RNF6: variants seen among roughly 807,000 people sequenced by gnomAD.
The protein encoded by RNF6 is E3 ubiquitin-protein ligase RNF6.
In RNF6, 21 loss-of-function variants were observed where a neutral mutation model predicts 50.1. The observed-to-expected ratio is 0.42, with a 90% CI of 0.30 to 0.60. The LOEUF (loss-of-function observed/expected upper bound fraction) is 0.60, where lower values mean the gene tolerates loss of function less well. Among genes scored for constraint, RNF6 ranks in the 20% least tolerant of loss-of-function variants. The pLI is 0.20. For synonymous variants in RNF6, 255 were observed against 291.8 expected (o/e 0.87, Z 1.29); for missense variants, 698 against 838.2 (o/e 0.83, Z 2.07).
chr13:26,168,888 A>G (rs899180645), intron 5 of RNF6, among the ~76,000 whole-genome samples: 1 of 152,184 alleles, frequency 6.6e-6, no homozygotes, highest in Non-Finnish European at 1.5e-5. Flanking sequence ...CTGTAGTCCC[A>G]GCTACTTGGA....
At chr13:26,169,451 C>T (rs1473543513) in intron 5 of RNF6, among the ~76,000 whole-genome samples, 1 of 152,212 alleles carries the variant, frequency 6.6e-6, no homozygotes, top group Non-Finnish European at 1.5e-5. Flanking sequence ...AAGGTCCCCT[C>T]AGCTTGGCTT....
intron 5 of RNF6, among the ~76,000 whole-genome samples, chr13:26,183,808 T>C (rs1873352478): frequency 6.6e-6 from 1 of 150,810 alleles, no homozygotes; most frequent in South Asian, 2.1e-4. Flanking sequence ...TATAGATTAC[T>C]TTGCTTGAAA....
chr13:26,222,812 G>C (rs1190790270), upstream of RNF6, among the ~76,000 whole-genome samples: 1 of 152,078 alleles, frequency 6.6e-6, no homozygotes, highest in Non-Finnish European at 1.5e-5. Context: ...TGTAGAGACG[G>C]GGGTCTCGCT....
rs925074577 is a variant in RNF6 at position 26,218,168 on chromosome 13, C to T, written c.289+343G>A. On this transcript the variant is annotated intron_variant, in intron 4 of 4. Transcript: ENST00000381588. ...GGTTTCCTAACTCAGTCTTTCTACA[C>T]GGTTCTGTATATAAATTTTTAGAAG... 4.6e-5 allele frequency among the ~76,000 whole-genome samples: 7 copies of T among 152,124 alleles called. No homozygotes were observed. In the South Asian group the frequency reaches 6.2e-4, roughly 13 times the overall value.
chr13:26,159,717 A>G (rs911436493), intron 5 of RNF6, among the ~76,000 whole-genome samples: 2 of 152,200 alleles, frequency 1.3e-5, no homozygotes, highest in Non-Finnish European at 2.9e-5. Flanking sequence ...CTGCCTAGGG[A>G]ATTCCTCAAA....
intron 5 of RNF6, among the ~76,000 whole-genome samples, chr13:26,184,019 T>TATATATATATATATATATA (rs1491321211): frequency 4.9e-5 from 1 of 20,338 alleles, no homozygotes; most frequent in African/African-American, 1.7e-4. Flanking sequence ...TATATATATA[T>TATATATATATATATATATA]TTTTTTTTTT....
At chr13:26,193,384 G>A (rs1868533529) in intron 5 of RNF6, among the ~76,000 whole-genome samples, 1 of 152,216 alleles carries the variant, frequency 6.6e-6, no homozygotes, top group South Asian at 2.1e-4. Context: ...TATCTTGGAA[G>A]CTATGGAAAG....
rs180817551 is a variant in RNF6, at chr13:26,219,451, T to G, written c.193+6A>C. On this transcript the variant is annotated splice_donor_region_variant and intron_variant, in intron 3 of 4. Transcript: ENST00000381588. ...AAGGGTGTTTCCTCTTTTACCCATCTCTTACCAGGGGTGCCTAAAAGATTA... is the reference window on the plus strand; with the variant it reads ...AAGGGTGTTTCCTCTTTTACCCATCGCTTACCAGGGGTGCCTAAAAGATTA... 352 of 1,589,860 alleles carry G rather than the reference T, an allele frequency of 2.2e-4. No homozygotes were observed. In the African/African-American group the frequency reaches 4.1e-3, roughly 19 times the overall value.
chr13:26,188,672 G>T (rs1873673016), intron 5 of RNF6, among the ~76,000 whole-genome samples: 1 of 108,092 alleles, frequency 9.3e-6, no homozygotes, highest in African/African-American at 3.7e-5. Context: ...GTCTCACTCT[G>T]TTGCCAGGCT....
chr13:26,155,872 G>A (rs1047453182), intron 5 of RNF6, among the ~76,000 whole-genome samples: 5 of 152,198 alleles, frequency 3.3e-5, no homozygotes, highest in African/African-American at 1.2e-4. Context: ...GGCGGACAGG[G>A]CAGAAGGAGT....
Position 26,214,617 on chromosome 13 carries a change from C to T in RNF6, c.1265G>A (p.Arg422Gln), listed in dbSNP as rs757213596. The change falls in exon 5 of 5, where the codon CGA becomes CAA. Residue 422 changes from arginine to glutamine, a missense_variant. Arg to Gln is a conservative substitution (Grantham distance 43). Transcript: ENST00000381588. The part of the protein sequence containing the change: ...RDRDSIANRT[R>Q]SRVGLAENTV... Reference sequence around the variant, plus strand: ...ATTTTCTGCTAGCCCTACTCTGGATCGAGTTCTATTTGCAATACTATCCCG... The same window carrying T: ...ATTTTCTGCTAGCCCTACTCTGGATTGAGTTCTATTTGCAATACTATCCCG... The T allele has an allele frequency of 1.2e-6, 2 of 1,614,168 alleles. No individual in the cohort carries two copies. The highest frequency in any genetic ancestry group is 1.1e-5 in the South Asian group (1 of 91,084).
chr13:26,175,463 A>T (rs546282947), intron 5 of RNF6, among the ~76,000 whole-genome samples: 1 of 152,298 alleles, frequency 6.6e-6, no homozygotes, highest in South Asian at 2.1e-4. Context: ...CACACTCACC[A>T]TCTCCTTGTC....
intron 5 of RNF6, among the ~76,000 whole-genome samples, chr13:26,175,039 G>A (rs1430256337): frequency 6.6e-6 from 1 of 152,170 alleles, no homozygotes; most frequent in Admixed American, 6.5e-5. Flanking sequence ...CTCAGCAGTT[G>A]AGGAGTTCAC....
chr13:26,166,790 C>T (rs574100959), intron 5 of RNF6, among the ~76,000 whole-genome samples: 7 of 152,142 alleles, frequency 4.6e-5, no homozygotes, highest in Admixed American at 6.5e-5. Context: ...CATGGTGGTG[C>T]GTGCCTGTAA....
chr13:26,213,555 A>G lies in RNF6; in HGVS notation c.*269T>C, dbSNP rs529390690. On this transcript the variant is annotated 3_prime_UTR_variant, in exon 5 of 5. Coordinates refer to ENST00000381588, the MANE Select transcript of RNF6 (RefSeq NM_005977.4). ...TTGTGCAGATACAAAAGTGCTTAGC[A>G]TGACAAAATTACCAAAATAAAAACA... is the stretch of plus-strand genomic sequence containing the variant. 25 of 275,804 alleles carry G rather than the reference A, an allele frequency of 9.1e-5. No individual in the cohort carries two copies. The South Asian group carries it at 2.2e-3, about 24-fold the overall frequency. The allele number at this position is 275,804 out of a possible 1,614,324, so 17.1% of individuals were successfully genotyped here.
At chr13:26,205,429 G>A (rs958699050) in intron 5 of RNF6, among the ~76,000 whole-genome samples, 1 of 152,166 alleles carries the variant, frequency 6.6e-6, no homozygotes, top group African/African-American at 2.4e-5. Context: ...CTGTTAAGGG[G>A]TCATTGTTTC....
Position 26,214,518 on chromosome 13 carries a change from G to A in RNF6, c.1364C>T (p.Thr455Ile), listed in dbSNP as rs757384792. ...ISRLERSGIR[T>I]YVSTITVPLR... ...AGGAACTGTTATGGTACTAACATAG[G>A]TTCGAATACCTGACCGCTCTAAACG... Residue 455 changes from threonine (T) to isoleucine (I), a missense_variant, in exon 5 of 5, where the codon ACC becomes ATC. By Grantham distance (89) the Thr-to-Ile change is moderately conservative. Coordinates refer to ENST00000381588, the MANE Select transcript of RNF6 (RefSeq NM_005977.4). 1.9e-6 allele frequency: 3 copies of A among 1,614,120 alleles called. No homozygotes were observed. The South Asian group carries it at 3.3e-5, about 18-fold the overall frequency.
chr13:26,177,362 C>A (rs1278016171), intron 5 of RNF6, among the ~76,000 whole-genome samples: 1 of 152,210 alleles, frequency 6.6e-6, no homozygotes, highest in Non-Finnish European at 1.5e-5. Context: ...CACCAATATC[C>A]TGGTTGTCAA....
At chr13:26,204,093 C>G (rs1384465174) in intron 5 of RNF6, among the ~76,000 whole-genome samples, 1 of 152,168 alleles carries the variant, frequency 6.6e-6, no homozygotes, top group Admixed American at 6.5e-5. Context: ...CCCGCTCCCT[C>G]CGCCTTTATC....
Sources: gnomAD v4.1 joint callset for allele counts (sites outside exome capture counted in the v4.1 genomes callset) on GRCh38, gnomAD v4.1.1 for gene constraint, MANE v1.5 for transcripts, NCBI Gene and HGNC (gene_info 2026-07-23, HGNC 2026-07-21) for gene names.